The following KLHL32 variants were observed in gnomAD, a reference collection of about 807,000 sequenced individuals.
KLHL32 encodes the protein kelch-like protein 32.
KLHL32 carries 35 observed loss-of-function variants against 64.8 expected under a neutral mutation model. The observed-to-expected ratio is 0.54, with a 90% CI of 0.41 to 0.72. KLHL32 has a LOEUF of 0.72. Among genes scored for constraint, KLHL32 ranks in the 30% least tolerant of loss-of-function variants. KLHL32 has a pLI of 0.00. For missense variants in KLHL32, 589 were observed against 768.5 expected (o/e 0.77, Z 2.76); for synonymous variants, 259 against 281.0 (o/e 0.92, Z 0.78).
the KLHL32 span, among the ~76,000 whole-genome samples, chr6:96,911,501 A>C: frequency 6.6e-6 from 1 of 152,112 alleles, no homozygotes; most frequent in Non-Finnish European, 1.5e-5. Context: ...CCAGCATTTA[A>C]GTGTGGTCAA....
the KLHL32 span, among the ~76,000 whole-genome samples, chr6:96,898,765 G>A: frequency 1.3e-5 from 2 of 151,950 alleles, no homozygotes; most frequent in African/African-American, 4.8e-5. Flanking sequence ...TTTCCTGAAT[G>A]GGTTACTGTA....
At position 97,092,711 on chromosome 6, in the gene KLHL32, A is replaced by G. The variant is rs191618401; in HGVS notation, c.627+7370A>G. ...TATTTAATCTTTCCTTCTAATCTAT[A>G]TGCGGCTAACTCCTCTGTGAGGGTG... On this transcript the variant is annotated intron_variant, in intron 6 of 10. Coordinates refer to ENST00000369261, the MANE Select transcript of KLHL32 (RefSeq NM_052904.4). 5.3e-5 allele frequency among the ~76,000 whole-genome samples: 8 copies of G among 152,274 alleles called. No individual in the cohort carries two copies. The East Asian group carries it at 1.4e-3, about 26-fold the overall frequency.
chr6:96,939,721 G>A (rs573262974), intron 1 of KLHL32, among the ~76,000 whole-genome samples: 9 of 152,262 alleles, frequency 5.9e-5, no homozygotes, highest in African/African-American at 2.2e-4. Flanking sequence ...CTGCACACAG[G>A]CCTATAAAGA....
At chr6:97,079,037 G>C (rs1463477814) in intron 5 of KLHL32, among the ~76,000 whole-genome samples, 1 of 152,104 alleles carries the variant, frequency 6.6e-6, no homozygotes, top group Non-Finnish European at 1.5e-5. Flanking sequence ...CTAGGCTGTG[G>C]GTTATGTGTG....
chr6:96,915,425 A>G, the KLHL32 span, among the ~76,000 whole-genome samples: 1 of 152,194 alleles, frequency 6.6e-6, no homozygotes, highest in Non-Finnish European at 1.5e-5. Context: ...AAAAAATTTC[A>G]GTAAAATATG....
chr6:97,081,636 C>G (rs1046028529), intron 5 of KLHL32, among the ~76,000 whole-genome samples: 8 of 152,202 alleles, frequency 5.3e-5, no homozygotes, highest in East Asian at 1.9e-4. Context: ...CTTTCCACTC[C>G]AAGTCAACTC....
intron 4 of KLHL32, among the ~76,000 whole-genome samples, chr6:97,048,632 AC>A (rs1562279037): frequency 6.6e-6 from 1 of 152,118 alleles, no homozygotes; most frequent in Non-Finnish European, 1.5e-5. Flanking sequence ...TAATGCAAAC[AC>A]TGTGCATTAC....
chr6:96,959,616 A>G (rs954249935), intron 1 of KLHL32, among the ~76,000 whole-genome samples: 2 of 152,176 alleles, frequency 1.3e-5, no homozygotes, highest in African/African-American at 4.8e-5. Flanking sequence ...TAAAGCCCAA[A>G]TCTCCAACAC....
At chr6:97,075,660 A>T (rs1791486311) in intron 5 of KLHL32, among the ~76,000 whole-genome samples, 1 of 152,092 alleles carries the variant, frequency 6.6e-6, no homozygotes, top group Admixed American at 6.6e-5. Context: ...GCACATCCAC[A>T]CCAGCCCCCT....
intron 10 of KLHL32, among the ~76,000 whole-genome samples, chr6:97,133,809 A>G (rs904424875): frequency 6.6e-6 from 1 of 152,208 alleles, no homozygotes; most frequent in African/African-American, 2.4e-5. Context: ...TGGAAAATAT[A>G]ATTAACAAGC....
At chr6:96,973,730 C>CTTTTTTTTTTTT (rs558193523) in intron 2 of KLHL32, among the ~76,000 whole-genome samples, 4 of 118,270 alleles carry the variant, frequency 3.4e-5, no homozygotes, top group African/African-American at 9.7e-5. Context: ...TACAGATTGC[C>CTTTTTTTTTTTT]TTTTTTTTTT....
At chr6:97,030,198 T>G (rs1783331301) in intron 3 of KLHL32, among the ~76,000 whole-genome samples, 1 of 152,224 alleles carries the variant, frequency 6.6e-6, no homozygotes, top group Non-Finnish European at 1.5e-5. Context: ...TTTTACCAGA[T>G]GCTTTAAAAA....
intron 3 of KLHL32, among the ~76,000 whole-genome samples, chr6:96,992,046 C>A (rs935369949): frequency 1.3e-5 from 2 of 152,202 alleles, no homozygotes; most frequent in African/African-American, 4.8e-5. Context: ...GCTGCGATGG[C>A]CGCAGTAGAG....
chr6:96,933,797 T>A (rs1044889426), intron 1 of KLHL32, among the ~76,000 whole-genome samples: 2 of 152,208 alleles, frequency 1.3e-5, no homozygotes, highest in Non-Finnish European at 2.9e-5. Context: ...TAGGCAGCAG[T>A]CACTCATGGT....
chr6:97,081,770 T>C (rs1792561023), intron 5 of KLHL32, among the ~76,000 whole-genome samples: 1 of 152,230 alleles, frequency 6.6e-6, no homozygotes, highest in African/African-American at 2.4e-5. Flanking sequence ...TTTTTTGATT[T>C]ATGGCCTTCT....
At position 97,038,452 on chromosome 6, in the gene KLHL32, A is replaced by T. The variant is rs34270211; in HGVS notation, c.205-3040A>T. Among the ~76,000 whole-genome samples the T allele has an allele frequency of 3.4e-3, 512 of 152,334 alleles. 1 individual carries two copies. The highest frequency in any genetic ancestry group is 0.01 in the Middle Eastern group (3 of 294). Reference sequence around the variant, plus strand: ...CTGAGCATCAGAAGATGCAAATCAAAACTACACTGAAATACCTCACCCCAG... The same window carrying T: ...CTGAGCATCAGAAGATGCAAATCAATACTACACTGAAATACCTCACCCCAG... On this transcript the variant is annotated intron_variant, in intron 3 of 10. Coordinates refer to ENST00000369261, the MANE Select transcript of KLHL32 (RefSeq NM_052904.4).
intron 3 of KLHL32, among the ~76,000 whole-genome samples, chr6:97,020,263 A>G (rs1781811530): frequency 6.6e-6 from 1 of 150,746 alleles, no homozygotes; most frequent in African/African-American, 2.5e-5. Flanking sequence ...TAAAAATACA[A>G]ATTATTTAGA....
At chr6:97,026,276 A>T (rs900427878) in intron 3 of KLHL32, among the ~76,000 whole-genome samples, 2 of 151,932 alleles carry the variant, frequency 1.3e-5, no homozygotes, top group Non-Finnish European at 2.9e-5. Flanking sequence ...AGTGAGCTTG[A>T]TGGGAGGATT....
chr6:96,930,440 G>A (rs994948983), intron 1 of KLHL32, among the ~76,000 whole-genome samples: 2 of 152,108 alleles, frequency 1.3e-5, no homozygotes, highest in Admixed American at 1.3e-4. Context: ...TGTAAAATGG[G>A]AATTATGTTA....
Sources: allele counts gnomAD v4.1 joint callset (sites outside exome capture counted in the v4.1 genomes callset), GRCh38; gene constraint gnomAD v4.1.1; transcripts MANE v1.5; gene names NCBI Gene and HGNC (gene_info 2026-07-23, HGNC 2026-07-21).